Variants in MACROD2 observed in about 807,000 individuals in gnomAD.
MACROD2 encodes the protein mono-ADP ribosylhydrolase 2, also known as ADP-ribose glycohydrolase MACROD2.
In MACROD2, 36 loss-of-function variants were observed where a neutral mutation model predicts 70.4. That is an observed-to-expected ratio of 0.51 (90% CI 0.39 to 0.68). MACROD2 has a LOEUF of 0.68. MACROD2 is among the 30% of genes least tolerant of loss of function. The pLI is 0.00. For missense variants in MACROD2, 496 were observed against 538.4 expected, an observed-to-expected ratio of 0.92 and a Z score of 0.78; for synonymous variants, 172 against 178.8, an observed-to-expected ratio of 0.96 and a Z score of 0.30.
At chr20:14,683,161 G>A (rs529777836) in intron 4 of MACROD2, among the ~76,000 whole-genome samples, 208 of 152,272 alleles carry the variant, frequency 1.4e-3, no homozygotes, top group African/African-American at 4.6e-3. Flanking sequence ...TTACAGGCAT[G>A]AGCCACTGTG....
chr20:13,999,954 C>T (rs1387753896), intron 1 of MACROD2, among the ~76,000 whole-genome samples: 1 of 152,162 alleles, frequency 6.6e-6, no homozygotes, highest in East Asian at 1.9e-4. Context: ...GCGGAGGTTG[C>T]AGTGAGCTGA....
At chr20:15,078,022 G>C (rs2075672710) in intron 5 of MACROD2, among the ~76,000 whole-genome samples, 1 of 152,104 alleles carries the variant, frequency 6.6e-6, no homozygotes, top group Admixed American at 6.5e-5. Flanking sequence ...TTACTCTTCA[G>C]CTTTCACTGA....
At chr20:16,011,820 C>T (rs992380988) in intron 15 of MACROD2, among the ~76,000 whole-genome samples, 67 of 152,208 alleles carry the variant, frequency 4.4e-4, no homozygotes, top group African/African-American at 1.4e-3. Flanking sequence ...GTGATGGATT[C>T]CAGAGGGTGA....
At chr20:14,721,015 G>A (rs1259826068) in intron 5 of MACROD2, among the ~76,000 whole-genome samples, 1 of 152,030 alleles carries the variant, frequency 6.6e-6, no homozygotes, top group Non-Finnish European at 1.5e-5. Context: ...AGCACTTAGG[G>A]AGGCCGAGGC....
chr20:15,735,416 A>C (rs2146956617), intron 8 of MACROD2, among the ~76,000 whole-genome samples: 1 of 152,346 alleles, frequency 6.6e-6, no homozygotes. Context: ...TTAGTTTAAC[A>C]CAAGCCACTT....
chr20:15,475,819 G>A (rs2047015065), intron 7 of MACROD2, among the ~76,000 whole-genome samples: 3 of 152,184 alleles, frequency 2.0e-5, no homozygotes, highest in Admixed American at 1.3e-4. Context: ...CCATCTGAAG[G>A]GTAATTCTGA....
chr20:15,023,424 A>G (rs1399741659), intron 5 of MACROD2, among the ~76,000 whole-genome samples: 1 of 152,130 alleles, frequency 6.6e-6, no homozygotes, highest in Non-Finnish European at 1.5e-5. Context: ...CAGAGAGGGC[A>G]TGCTTTCCTA....
At chr20:15,674,891 G>T (rs2050035587) in intron 8 of MACROD2, among the ~76,000 whole-genome samples, 1 of 152,092 alleles carries the variant, frequency 6.6e-6, no homozygotes, top group Non-Finnish European at 1.5e-5. Context: ...AGCCATTCAT[G>T]GCCTCTCCAT....
At chr20:14,380,171 T>TG (rs2083408149) in intron 3 of MACROD2, among the ~76,000 whole-genome samples, 1 of 152,136 alleles carries the variant, frequency 6.6e-6, no homozygotes, top group African/African-American at 2.4e-5. Flanking sequence ...TATCTCATTG[T>TG]GGTTTTGATT....
At chr20:15,486,105 C>G (rs1236517482) in intron 7 of MACROD2, among the ~76,000 whole-genome samples, 1 of 151,782 alleles carries the variant, frequency 6.6e-6, no homozygotes, top group Non-Finnish European at 1.5e-5. Flanking sequence ...TGGCTATAAA[C>G]AAGACAGTTT....
intron 3 of MACROD2, among the ~76,000 whole-genome samples, chr20:14,297,143 C>T (rs1159313651): frequency 6.6e-6 from 1 of 151,832 alleles, no homozygotes; most frequent in Admixed American, 6.6e-5. Flanking sequence ...CTTCTTACTG[C>T]TCCACTGACT....
intron 5 of MACROD2, among the ~76,000 whole-genome samples, chr20:15,053,356 A>G (rs2075457913): frequency 6.6e-6 from 1 of 152,196 alleles, no homozygotes; most frequent in African/African-American, 2.4e-5. Context: ...GGGCAGGCTG[A>G]GTCTATTGTT....
chr20:15,771,265 C>T (rs1390775672), intron 8 of MACROD2, among the ~76,000 whole-genome samples: 1 of 152,058 alleles, frequency 6.6e-6, no homozygotes, highest in African/African-American at 2.4e-5. Context: ...GCCTTTACTT[C>T]CTGGGCTCAA....
intron 8 of MACROD2, among the ~76,000 whole-genome samples, chr20:15,530,604 C>T (rs1217090428): frequency 3.3e-5 from 5 of 151,026 alleles, no homozygotes; most frequent in Admixed American, 6.6e-5. Context: ...TAGTGGCAGG[C>T]GCCTGTAGTC....
At chr20:15,196,873 A>T (rs1437952751) in intron 5 of MACROD2, 1 of 985,406 alleles carries the variant, frequency 1.0e-6, no homozygotes, top group East Asian at 1.1e-4. Context: ...CGAGAAGCAG[A>T]TGACAGGCTC....
intron 3 of MACROD2, among the ~76,000 whole-genome samples, chr20:14,129,437 A>G (rs541008207): frequency 1.3e-5 from 2 of 152,376 alleles, no homozygotes; most frequent in African/African-American, 4.8e-5. Context: ...ATGGATGAGC[A>G]AAGAAAGTAG....
At chr20:14,511,914 C>T (rs983570759) in intron 4 of MACROD2, among the ~76,000 whole-genome samples, 6 of 150,168 alleles carry the variant, frequency 4.0e-5, no homozygotes, top group Admixed American at 6.6e-5. Context: ...TACTACACCA[C>T]GCAGTAAAGA....
At chr20:15,341,614 G>T (rs1232006652) in intron 6 of MACROD2, among the ~76,000 whole-genome samples, 1 of 152,110 alleles carries the variant, frequency 6.6e-6, no homozygotes, top group African/African-American at 2.4e-5. Flanking sequence ...ATGAATTGAA[G>T]ACTTATTCAC....
At chr20:14,931,745 T>TC (rs73619838) in intron 5 of MACROD2, among the ~76,000 whole-genome samples, 74,561 of 151,466 alleles carry the variant, frequency 0.49, 19,071 homozygotes, top group South Asian at 0.71. Context: ...TGGCGTGTAA[T>TC]CCAGTGCTTT....
Sources: gnomAD v4.1 joint callset for allele counts (sites outside exome capture counted in the v4.1 genomes callset) on GRCh38, gnomAD v4.1.1 for gene constraint, MANE v1.5 for transcripts, NCBI Gene and HGNC (gene_info 2026-07-23, HGNC 2026-07-21) for gene names.